The following DOP1A variants were observed in gnomAD, a reference collection of about 807,000 sequenced individuals.
DOP1A encodes DOP1 leucine zipper like protein A.
DOP1A carries 90 observed loss-of-function variants against 267.6 expected under a neutral mutation model. The ratio of observed to expected loss-of-function variants is 0.34; its 90% CI spans 0.28 to 0.40. The LOEUF (loss-of-function observed/expected upper bound fraction) is 0.40, where lower values mean the gene tolerates loss of function less well. Among genes scored for constraint, DOP1A ranks in the 10% least tolerant of loss-of-function variants. The pLI is 1.00. For synonymous variants in DOP1A, 932 were observed against 999.1 expected (o/e 0.93, Z 1.27); for missense variants, 2,437 against 2,900.4 (o/e 0.84, Z 3.67).
chr6:83,170,161 A>G, downstream of DOP1A: 1 of 675,916 alleles, frequency 1.5e-6, no homozygotes, highest in Non-Finnish European at 2.5e-6. Flanking sequence ...TGGTGAAAAT[A>G]ATTTTGTAGT....
At chr6:83,076,371 A>T (rs1767091921) in intron 1 of DOP1A, among the ~76,000 whole-genome samples, 4 of 152,184 alleles carry the variant, frequency 2.6e-5, no homozygotes, top group Admixed American at 2.6e-4. Context: ...AAATACAAAA[A>T]ATTAGCTGGG....
Position 83,130,205 on chromosome 6 carries a change from T to C in DOP1A, c.2424T>C (p.Ser808=), listed in dbSNP as rs1478391631. The change falls in exon 17 of 39, where the codon AGT becomes AGC. Residue 808 remains serine, a synonymous_variant. Coordinates refer to ENST00000349129, the MANE Select transcript of DOP1A (RefSeq NM_015018.4). Reference sequence around the variant, plus strand: ...AAGCAAGTGATTTCAGTGTTCAGAGTGTTGCTATTTCACTAGTTATGGACC... The same window carrying C: ...AAGCAAGTGATTTCAGTGTTCAGAGCGTTGCTATTTCACTAGTTATGGACC... ...CSQASDFSVQ[S]VAISLVMDLV... 4.3e-6 allele frequency: 7 copies of C among 1,613,896 alleles called. No homozygotes were observed. Among genetic ancestry groups the C allele is most frequent in the African/African-American group, 1.3e-5 (1 of 74,896 alleles).
chr6:83,096,058 G>A (rs1448676569), intron 1 of DOP1A, among the ~76,000 whole-genome samples: 2 of 152,092 alleles, frequency 1.3e-5, no homozygotes, highest in African/African-American at 4.8e-5. Context: ...CTAAGGTGCT[G>A]GGGGATTGGG....
chr6:83,122,790 T>A, intron 11 of DOP1A, 73 bp from the exon 12 acceptor site: 1 of 1,162,004 alleles, frequency 8.6e-7, no homozygotes, highest in African/African-American at 1.6e-5. Context: ...GTACTGGCAC[T>A]GCACTCAAAT....
intron 37 of DOP1A, among the ~76,000 whole-genome samples, chr6:83,161,649 A>G (rs191510419): frequency 7.2e-5 from 11 of 152,362 alleles, no homozygotes; most frequent in Admixed American, 2.0e-4. Context: ...GATTAAAATT[A>G]TAGATAACCA....
In DOP1A at chr6:83,137,636, T is replaced by A; in HGVS notation, c.3594T>A (p.Asp1198Glu). 1 of 1,613,892 alleles carries A rather than the reference T, an allele frequency of 6.2e-7. No individual in the cohort carries two copies. The highest frequency in any genetic ancestry group is 8.5e-7 in the Non-Finnish European group (1 of 1,179,850). ...DPDEETIKIE[D>E]DSIQQSQNAL... ...ATGAAGAGACGATTAAAATTGAAGA[T>A]GACTCCATTCAACAGAGTCAGAATG... is the stretch of plus-strand genomic sequence containing the variant. The change falls in exon 21 of 39, where the codon GAT becomes GAA. Residue 1198 changes from aspartate (D) to glutamate (E), a missense_variant. Around this residue, in one of 9 missense-constraint regions of DOP1A, gnomAD observed 878 missense variants for 992.9 expected, o/e 0.88. Transcript: ENST00000349129.
chr6:83,135,565 G>T lies in DOP1A; in HGVS notation c.2871-54G>T, dbSNP rs1309505801. Reference sequence around the variant, plus strand: ...CAGAATTTATTAATTTTATAAAAGAGTGTGACAAGGTAGATGTTTGGTTCT... The same window carrying T: ...CAGAATTTATTAATTTTATAAAAGATTGTGACAAGGTAGATGTTTGGTTCT... On this transcript the variant is annotated intron_variant, in intron 19 of 38. Transcript: ENST00000349129. 11 of 1,511,422 alleles carry T rather than the reference G, an allele frequency of 7.3e-6. No homozygotes were observed. In the South Asian group the frequency reaches 1.1e-4, roughly 16 times the overall value. The allele number at this position is 1,511,422 out of a possible 1,614,324, so 93.6% of individuals were successfully genotyped here.
At chr6:83,068,345 C>T (rs1333594566) in intron 1 of DOP1A, among the ~76,000 whole-genome samples, 1 of 152,154 alleles carries the variant, frequency 6.6e-6, no homozygotes, top group Admixed American at 6.5e-5. Flanking sequence ...ACAATTATCA[C>T]CTTTGATTCC....
intron 7 of DOP1A, among the ~76,000 whole-genome samples, chr6:83,115,758 A>G (rs2128196700): frequency 6.6e-6 from 1 of 152,254 alleles, no homozygotes; most frequent in East Asian, 1.9e-4. Context: ...TACATTGCTA[A>G]CAACTATAGT....
Position 83,094,596 on chromosome 6 carries a change from T to C in DOP1A, c.-146-2135T>C, listed in dbSNP as rs1273523137. 4.1e-4 allele frequency among the ~76,000 whole-genome samples: 62 copies of C among 152,234 alleles called. 1 individual carries two copies. Among genetic ancestry groups the C allele is most frequent in the Admixed American group, 4.1e-3 (62 of 15,288 alleles). On this transcript the variant is annotated intron_variant, in intron 1 of 38. Coordinates refer to ENST00000349129, the MANE Select transcript of DOP1A (RefSeq NM_015018.4). Reference sequence around the variant, plus strand: ...TTTATTGTAACCATCCTAGTAGTCATGAAATATTGTGGTTTTGATTTGTTT... The same window carrying C: ...TTTATTGTAACCATCCTAGTAGTCACGAAATATTGTGGTTTTGATTTGTTT...
chr6:83,094,483 G>C (rs1460282649), intron 1 of DOP1A, among the ~76,000 whole-genome samples: 2 of 152,200 alleles, frequency 1.3e-5, no homozygotes, highest in Non-Finnish European at 2.9e-5. Flanking sequence ...CTACCAGACT[G>C]TTTTCCAGAG....
rs1346629437 is a variant in DOP1A at position 83,167,984 on chromosome 6, A to G, written c.7215A>G (p.Gln2405=). Residue 2405 remains glutamine (Q), a synonymous_variant, in exon 39 of 39, where the codon CAA becomes CAG. Transcript: ENST00000349129. ...QLLPFFNVLS[Q]VFNSKVTSRC... ...TGCCGTTCTTCAATGTGCTCAGTCAAGTCTTCAACAGCAAAGTCACAAGCC... is the reference window on the plus strand; with the variant it reads ...TGCCGTTCTTCAATGTGCTCAGTCAGGTCTTCAACAGCAAAGTCACAAGCC... 1 of 1,614,190 alleles carries G rather than the reference A, an allele frequency of 6.2e-7. No homozygotes were observed.
chr6:83,169,306 A>G (rs1159459020), downstream of DOP1A: 2 of 1,613,804 alleles, frequency 1.2e-6, no homozygotes, highest in South Asian at 2.2e-5. Flanking sequence ...CTTCATGTGC[A>G]AGGTGATCTG....
intron 5 of DOP1A, 31 bp downstream of exon 5, chr6:83,109,111 T>A (rs771794154): frequency 2.5e-6 from 4 of 1,593,554 alleles, no homozygotes; most frequent in Non-Finnish European, 3.4e-6. Flanking sequence ...GTTATGTAAT[T>A]GAAGTCATGG....
intron 4 of DOP1A, among the ~76,000 whole-genome samples, chr6:83,105,996 T>G (rs1773544936): frequency 1.3e-5 from 2 of 152,220 alleles, no homozygotes; most frequent in South Asian, 4.1e-4. Context: ...ACACACGTTA[T>G]GGAGTAAATG....
chr6:83,144,687 T>A (rs72903896), intron 24 of DOP1A, among the ~76,000 whole-genome samples: 4,205 of 152,044 alleles, frequency 0.028, 80 homozygotes, highest in Non-Finnish European at 0.043. Context: ...AAATAAGTAA[T>A]GAATAGATAA....
chr6:83,092,556 T>TCCCCCCCCCCC (rs66482434), intron 1 of DOP1A, among the ~76,000 whole-genome samples: 4 of 67,850 alleles, frequency 5.9e-5, no homozygotes, highest in Non-Finnish European at 8.6e-5. Context: ...GTAGTGTCCC[T>TCCCCCCCCCCC]CCCCCCCCCC....
chr6:83,134,575 C>T, intron 19 of DOP1A: 1 of 253,774 alleles, frequency 3.9e-6, no homozygotes, highest in Non-Finnish European at 7.4e-6. Context: ...ATACAGCTCT[C>T]TTGAGACTAT....
intron 7 of DOP1A, 22 bp from the exon 8 acceptor site, chr6:83,118,866 A>G: frequency 6.2e-7 from 1 of 1,608,374 alleles, no homozygotes; most frequent in Non-Finnish European, 8.5e-7. Flanking sequence ...GCTAAGTACA[A>G]CCATATTCCT....
Sources: allele counts gnomAD v4.1 joint callset (sites outside exome capture counted in the v4.1 genomes callset), GRCh38; gene constraint gnomAD v4.1.1; regional missense constraint gnomAD v4.1.1; transcripts MANE v1.5; gene names NCBI Gene and HGNC (gene_info 2026-07-23, HGNC 2026-07-21).